Variants in CYTH1 observed in about 807,000 individuals in gnomAD.
The protein encoded by CYTH1 is cytohesin 1, also known as cytohesin-1.
Under a neutral mutation model 61.8 loss-of-function variants are expected in CYTH1, and 18 were observed. The observed-to-expected ratio is 0.29, with a 90% CI of 0.20 to 0.43. The LOEUF is 0.43. Among genes scored for constraint, CYTH1 ranks in the 20% least tolerant of loss-of-function variants. The pLI is 1.00. For synonymous variants in CYTH1, 174 were observed against 184.3 expected, an observed-to-expected ratio of 0.94 and a Z score of 0.45; for missense variants, 336 against 510.5, an observed-to-expected ratio of 0.66 and a Z score of 3.29.
chr17:78,761,435 T>G (rs949180297), intron 1 of CYTH1, among the ~76,000 whole-genome samples: 2 of 152,118 alleles, frequency 1.3e-5, no homozygotes, highest in East Asian at 3.9e-4. Flanking sequence ...TATTAAAACC[T>G]CTTTAAAAAT....
intron 1 of CYTH1, 72 bp from the exon 2 acceptor site, chr17:78,709,804 C>T (rs1280572001): frequency 2.2e-6 from 3 of 1,377,344 alleles, no homozygotes; most frequent in African/African-American, 1.4e-5. Context: ...CCAGAGGCCA[C>T]AAAAGGAGAA....
Position 78,675,860 on chromosome 17 carries a change from G to A in CYTH1, c.*231C>T, listed in dbSNP as rs182638300. The A allele has an allele frequency of 4.1e-6, 6 of 1,459,568 alleles. No individual in the cohort carries two copies. The highest frequency in any genetic ancestry group is 1.4e-5 in the African/African-American group (1 of 70,116). 90.4% of individuals were successfully genotyped at this position (1,459,568 alleles called of 1,614,324 possible). Reference sequence around the variant, plus strand: ...CCGACAAGAGCTCTGCCCTGTGAGAGAGGAAGGCTCTGGAGCCCATGCTGG... The same window carrying A: ...CCGACAAGAGCTCTGCCCTGTGAGAAAGGAAGGCTCTGGAGCCCATGCTGG... On this transcript the variant is annotated 3_prime_UTR_variant, in exon 14 of 14. Transcript: ENST00000446868.
chr17:78,717,636 G>C lies in CYTH1; in HGVS notation c.23-7904C>G, dbSNP rs972223473. ...GCCAGAGGACGATACATGAGCACAC[G>C]GCGGGCTCTAGTCTAAAATCCTGCA... On this transcript the variant is annotated intron_variant, in intron 1 of 13. Coordinates refer to ENST00000446868, the MANE Select transcript of CYTH1 (RefSeq NM_004762.6). This position sits in a 1 kb window ranked among gnomAD's most constrained non-coding sequence, Gnocchi z 4.4. 6.6e-6 allele frequency among the ~76,000 whole-genome samples: 1 copy of C among 152,008 alleles called. No individual in the cohort carries two copies. Among genetic ancestry groups the C allele is most frequent in the Non-Finnish European group, 1.5e-5 (1 of 68,014 alleles).
chr17:78,704,412 C>T (rs2093044361), intron 3 of CYTH1, among the ~76,000 whole-genome samples: 2 of 152,214 alleles, frequency 1.3e-5, no homozygotes, highest in Admixed American at 1.3e-4. Context: ...AAAAGTTGCT[C>T]GGAAATAAAA....
chr17:78,736,899 G>C (rs2093322918), intron 1 of CYTH1: 2 of 162,928 alleles, frequency 1.2e-5, no homozygotes, highest in African/African-American at 4.8e-5. Context: ...ATGGCTGGCT[G>C]CACGCCTGGG....
chr17:78,691,262 G>C (rs1397473378), intron 11 of CYTH1: 1 of 152,236 alleles, frequency 6.6e-6, no homozygotes, highest in Non-Finnish European at 1.5e-5. Context: ...AGCGGCTCTT[G>C]CCTGCAGCCT....
chr17:78,730,114 C>T (rs2093285139), intron 1 of CYTH1, among the ~76,000 whole-genome samples: 1 of 152,136 alleles, frequency 6.6e-6, no homozygotes, highest in African/African-American at 2.4e-5. Flanking sequence ...TAACTACACC[C>T]ATTCTGCTGT....
chr17:78,688,728 C>T (rs1222204381), intron 11 of CYTH1, among the ~76,000 whole-genome samples: 1 of 152,144 alleles, frequency 6.6e-6, no homozygotes, highest in Non-Finnish European at 1.5e-5. Context: ...ACTCCAAAGG[C>T]TTGTCTTTTG....
intron 1 of CYTH1, among the ~76,000 whole-genome samples, chr17:78,734,410 CAATGTA>C (rs2093310326): frequency 1.4e-5 from 2 of 140,576 alleles, no homozygotes; most frequent in East Asian, 4.2e-4. Flanking sequence ...ACCAATGTAC[CAATGTA>C]CCAGGTAAAA....
chr17:78,709,526 A>G (rs951273936), intron 2 of CYTH1, 124 bp downstream of exon 2: 6 of 871,828 alleles, frequency 6.9e-6, no homozygotes, highest in Non-Finnish European at 1.1e-5. Context: ...CGCTTTGTGC[A>G]GAGCTGTAGT....
intron 1 of CYTH1, among the ~76,000 whole-genome samples, chr17:78,722,632 T>C (rs2093238647): frequency 6.6e-6 from 1 of 152,122 alleles, no homozygotes; most frequent in Non-Finnish European, 1.5e-5. Context: ...GGAAGTCAAT[T>C]CTCTCTCACT....
intron 1 of CYTH1, among the ~76,000 whole-genome samples, chr17:78,764,356 C>G (rs1175333750): frequency 6.6e-6 from 1 of 151,646 alleles, no homozygotes; most frequent in African/African-American, 2.4e-5. Flanking sequence ...CCCACCACGC[C>G]CAGCTAATTT....
intron 1 of CYTH1, among the ~76,000 whole-genome samples, chr17:78,741,315 G>A (rs1008150047): frequency 5.9e-5 from 9 of 152,034 alleles, no homozygotes; most frequent in Non-Finnish European, 1.3e-4. Flanking sequence ...TGGGAGGACT[G>A]CTTGAAGCCA....
intron 1 of CYTH1, among the ~76,000 whole-genome samples, chr17:78,740,500 T>C (rs888370252): frequency 2.6e-5 from 4 of 152,192 alleles, no homozygotes; most frequent in African/African-American, 9.7e-5. Context: ...GGCCACCTCA[T>C]AGGCTCCTGG....
At chr17:78,781,116 C>T (rs1248847503) in intron 1 of CYTH1, among the ~76,000 whole-genome samples, 1 of 151,238 alleles carries the variant, frequency 6.6e-6, no homozygotes, top group Non-Finnish European at 1.5e-5. Flanking sequence ...CTGACGTGAG[C>T]TACGATCACG....
intron 1 of CYTH1, among the ~76,000 whole-genome samples, chr17:78,749,396 G>A (rs1426893848): frequency 1.3e-5 from 2 of 152,168 alleles, no homozygotes; most frequent in East Asian, 1.9e-4. Flanking sequence ...GGAGTCAGAG[G>A]TTGCAGTGAG....
Position 78,694,848 on chromosome 17 carries a change from C to T in CYTH1, c.814+1159G>A, listed in dbSNP as rs73387902. ...GGACAATTTGTTGCATTACAGAGAC[C>T]TCTACCATAAAGCATCACTGTGGGC... On this transcript the variant is annotated intron_variant, in intron 10 of 13. Transcript: ENST00000446868. Among the ~76,000 whole-genome samples, 426 of 152,228 alleles carry T rather than the reference C, an allele frequency of 2.8e-3. 1 individual carries two copies. The highest frequency in any genetic ancestry group is 9.8e-3 in the African/African-American group (406 of 41,528).
intron 1 of CYTH1, among the ~76,000 whole-genome samples, chr17:78,771,453 C>T (rs1416126971): frequency 6.6e-6 from 1 of 151,892 alleles, no homozygotes; most frequent in African/African-American, 2.4e-5. Flanking sequence ...AAAAAGAAGG[C>T]CAGGTGCGGT....
At chr17:78,779,980 A>T (rs1046326005) in intron 1 of CYTH1, among the ~76,000 whole-genome samples, 31 of 152,278 alleles carry the variant, frequency 2.0e-4, no homozygotes, top group African/African-American at 7.2e-4. Context: ...GTGGCAAAGC[A>T]GTCACTGTAT....
Sources: allele counts gnomAD v4.1 joint callset (sites outside exome capture counted in the v4.1 genomes callset), GRCh38; gene constraint gnomAD v4.1.1; non-coding constraint Gnocchi (gnomAD v3.1); transcripts MANE v1.5; gene names NCBI Gene and HGNC (gene_info 2026-07-23, HGNC 2026-07-21).